The following UBAC2 variants were observed in gnomAD, a reference collection of about 807,000 sequenced individuals.
UBAC2 encodes the protein UBA domain containing 2, also known as ubiquitin-associated domain-containing protein 2.
Under a neutral mutation model 44.0 loss-of-function variants are expected in UBAC2, and 26 were observed. The ratio of observed to expected loss-of-function variants is 0.59; its 90% CI spans 0.43 to 0.82. The LOEUF (loss-of-function observed/expected upper bound fraction) is 0.82, where lower values mean the gene tolerates loss of function less well. Ranked by LOEUF, UBAC2 falls within the 40% of genes least tolerant of loss-of-function variation. The probability of loss-of-function intolerance (pLI) is 0.00; values close to 1 mark genes in which losing one functional copy is unlikely to be tolerated. For missense variants in UBAC2, 329 were observed against 419.4 expected, an observed-to-expected ratio of 0.78 and a Z score of 1.88; for synonymous variants, 155 against 154.3, an observed-to-expected ratio of 1.00 and a Z score of -0.04.
intron 6 of UBAC2, among the ~76,000 whole-genome samples, chr13:99,337,714 T>G (rs2044809888): frequency 6.6e-6 from 1 of 152,188 alleles, no homozygotes; most frequent in Non-Finnish European, 1.5e-5. Context: ...AATCTGCCTG[T>G]GCAGAGGCCT....
chr13:99,296,218 T>C (rs1370394066), intron 4 of UBAC2: 1 of 1,408,520 alleles, frequency 7.1e-7, no homozygotes, highest in Non-Finnish European at 9.5e-7. Flanking sequence ...TTCAGTTTGA[T>C]TACTCATTAG....
chr13:99,351,608 C>T (rs1309512317), intron 7 of UBAC2: 2 of 456,752 alleles, frequency 4.4e-6, no homozygotes, highest in Non-Finnish European at 8.8e-6. Flanking sequence ...AGCCAATCCT[C>T]TCTCTGTTGG....
intron 1 of UBAC2, among the ~76,000 whole-genome samples, chr13:99,219,301 G>A (rs567920582): frequency 1.3e-5 from 2 of 152,314 alleles, no homozygotes; most frequent in African/African-American, 2.4e-5. Context: ...CCTGTGGTTA[G>A]TGTCTCCAGT....
chr13:99,269,344 C>A (rs758832108), intron 4 of UBAC2, among the ~76,000 whole-genome samples: 3 of 152,118 alleles, frequency 2.0e-5, no homozygotes, highest in African/African-American at 7.2e-5. Flanking sequence ...GCCAAGGGAC[C>A]GCATTTCCCA....
intron 1 of UBAC2, among the ~76,000 whole-genome samples, chr13:99,215,007 G>T (rs1454444091): frequency 1.3e-5 from 2 of 151,514 alleles, no homozygotes; most frequent in African/African-American, 4.8e-5. Context: ...TTTCTTGGGG[G>T]ATATGACCTT....
intron 6 of UBAC2, among the ~76,000 whole-genome samples, chr13:99,330,523 T>C (rs925483193): frequency 1.3e-5 from 2 of 150,410 alleles, no homozygotes; most frequent in African/African-American, 4.9e-5. Flanking sequence ...CTGCAACTTT[T>C]CTAAATGTGT....
intron 6 of UBAC2, among the ~76,000 whole-genome samples, chr13:99,335,307 C>A (rs552592772): frequency 1.3e-5 from 2 of 151,984 alleles, no homozygotes; most frequent in East Asian, 3.9e-4. Flanking sequence ...TGCTGATATA[C>A]ACCCTATTTT....
intron 4 of UBAC2, among the ~76,000 whole-genome samples, chr13:99,266,706 A>G (rs890030379): frequency 2.6e-5 from 4 of 152,214 alleles, no homozygotes; most frequent in African/African-American, 9.7e-5. Flanking sequence ...TATGTATTAG[A>G]CAATTTATCG....
At chr13:99,202,734 C>G (rs78574209) in intron 1 of UBAC2, among the ~76,000 whole-genome samples, 2 of 152,148 alleles carry the variant, frequency 1.3e-5, no homozygotes, top group Non-Finnish European at 2.9e-5. Context: ...TGGCCTGTTT[C>G]TAAAATTAAG....
At chr13:99,322,651 C>G (rs2044583666) in intron 6 of UBAC2, among the ~76,000 whole-genome samples, 1 of 152,164 alleles carries the variant, frequency 6.6e-6, no homozygotes, top group African/African-American at 2.4e-5. Flanking sequence ...CTTTGATTAT[C>G]TCTGATCCAG....
At chr13:99,342,436 C>T (rs1453516527) in intron 7 of UBAC2, among the ~76,000 whole-genome samples, 3 of 152,148 alleles carry the variant, frequency 2.0e-5, no homozygotes, top group South Asian at 2.1e-4. Flanking sequence ...AAGGGCCCAG[C>T]ATAGTCTCGG....
chr13:99,212,133 C>A (rs1401961169), intron 1 of UBAC2, among the ~76,000 whole-genome samples: 2 of 152,058 alleles, frequency 1.3e-5, no homozygotes, highest in African/African-American at 4.8e-5. Context: ...CCGTTCTCAA[C>A]CTGTCTCAAT....
At chr13:99,293,625 A>C (rs2044124350) in intron 4 of UBAC2, among the ~76,000 whole-genome samples, 1 of 152,230 alleles carries the variant, frequency 6.6e-6, no homozygotes, top group East Asian at 1.9e-4. Flanking sequence ...ACCTGTCTGC[A>C]TAAGATGTTA....
At chr13:99,326,818 C>G (rs3825426) in intron 6 of UBAC2, among the ~76,000 whole-genome samples, 125,129 of 151,950 alleles carry the variant, frequency 0.82, 51,957 homozygotes, top group Middle Eastern at 0.91. Flanking sequence ...TGCACAGACA[C>G]AGTTATTCTT....
intron 4 of UBAC2, among the ~76,000 whole-genome samples, chr13:99,267,011 C>T (rs1389275495): frequency 6.6e-6 from 1 of 152,152 alleles, no homozygotes; most frequent in Admixed American, 6.5e-5. Context: ...GCAGGCACAC[C>T]TCTCTCACAC....
intron 1 of UBAC2, among the ~76,000 whole-genome samples, chr13:99,222,136 A>G (rs549726247): frequency 1.3e-5 from 2 of 152,348 alleles, no homozygotes; most frequent in East Asian, 3.9e-4. Flanking sequence ...GAGCAAGACA[A>G]CTAGGACCCT....
chr13:99,316,405 G>T (rs1003720269), intron 5 of UBAC2, among the ~76,000 whole-genome samples: 1 of 152,046 alleles, frequency 6.6e-6, no homozygotes, highest in Non-Finnish European at 1.5e-5. Context: ...ATTGTTGAAT[G>T]AATGAATGAA....
At chr13:99,240,255 C>T (rs867828617) in intron 2 of UBAC2, among the ~76,000 whole-genome samples, 3 of 152,172 alleles carry the variant, frequency 2.0e-5, no homozygotes, top group African/African-American at 2.4e-5. Flanking sequence ...CTTTAGGGGA[C>T]ATTCACCTGT....
At chr13:99,215,590 C>CT in intron 1 of UBAC2, 2 of 1,347,022 alleles carry the variant, frequency 1.5e-6, no homozygotes, top group Non-Finnish European at 2.1e-6. Flanking sequence ...TCCAGGATGG[C>CT]TGCGCTGTAC....
Sources: allele counts gnomAD v4.1 joint callset (sites outside exome capture counted in the v4.1 genomes callset), GRCh38; gene constraint gnomAD v4.1.1; transcripts MANE v1.5; gene names NCBI Gene and HGNC (gene_info 2026-07-23, HGNC 2026-07-21).